CACNA2D3: variants seen among roughly 807,000 people sequenced by gnomAD.
The protein encoded by CACNA2D3 is calcium voltage-gated channel auxiliary subunit alpha2delta 3, also known as voltage-dependent calcium channel subunit alpha-2/delta-3.
In CACNA2D3, 60 loss-of-function variants were observed where a neutral mutation model predicts 160.6. The observed-to-expected ratio is 0.37, with a 90% confidence interval of 0.30 to 0.46. The LOEUF (loss-of-function observed/expected upper bound fraction) is 0.46. Among genes scored for constraint, CACNA2D3 ranks in the 20% least tolerant of loss-of-function variants. The pLI, the probability that CACNA2D3 is intolerant of heterozygous loss-of-function variation, is 1.00. For missense variants in CACNA2D3, 1,205 were observed against 1,365.0 expected (o/e 0.88, Z 1.85); for synonymous variants, 558 against 492.9 (o/e 1.13, Z -1.75).
intron 4 of CACNA2D3, among the ~76,000 whole-genome samples, chr3:54,444,404 A>G (rs2106801663): frequency 6.6e-6 from 1 of 152,236 alleles, no homozygotes; most frequent in South Asian, 2.1e-4. Flanking sequence ...GTGTTTTCAA[A>G]ACATTCCCTG....
intron 35 of CACNA2D3, among the ~76,000 whole-genome samples, chr3:55,022,920 C>T (rs358043): frequency 0.45 from 68,677 of 151,644 alleles, 17,689 homozygotes; most frequent in African/African-American, 0.72. Context: ...CATGAAATAA[C>T]TATTACTATT....
intron 4 of CACNA2D3, among the ~76,000 whole-genome samples, chr3:54,434,232 T>A (rs1700029543): frequency 6.6e-6 from 1 of 152,238 alleles, no homozygotes; most frequent in South Asian, 2.1e-4. Flanking sequence ...GTCAGCTTTC[T>A]GTTTTCTTCC....
intron 2 of CACNA2D3, among the ~76,000 whole-genome samples, chr3:54,303,269 G>T (rs1389095209): frequency 6.6e-6 from 1 of 152,102 alleles, no homozygotes; most frequent in African/African-American, 2.4e-5. Flanking sequence ...TAGGTATTTA[G>T]GAATTATTTA....
intron 8 of CACNA2D3, among the ~76,000 whole-genome samples, chr3:54,570,334 C>A (rs1180477411): frequency 6.6e-6 from 1 of 152,118 alleles, no homozygotes; most frequent in Non-Finnish European, 1.5e-5. Flanking sequence ...CACAGCCACA[C>A]CGCCACACCA....
intron 3 of CACNA2D3, among the ~76,000 whole-genome samples, chr3:54,336,014 A>AAG (rs1704369010): frequency 1.3e-5 from 2 of 151,144 alleles, no homozygotes; most frequent in Non-Finnish European, 3.0e-5. Flanking sequence ...CAAAAAAAAA[A>AAG]AAAAAAAAAA....
At chr3:54,602,100 A>G (rs1703070306) in intron 9 of CACNA2D3, among the ~76,000 whole-genome samples, 1 of 152,190 alleles carries the variant, frequency 6.6e-6, no homozygotes, top group Admixed American at 6.5e-5. Context: ...CTGTGTCTGC[A>G]GCAAGCCATA....
intron 10 of CACNA2D3, among the ~76,000 whole-genome samples, chr3:54,628,440 A>G (rs1201778774): frequency 6.6e-6 from 1 of 152,190 alleles, no homozygotes; most frequent in Non-Finnish European, 1.5e-5. Context: ...GAGTAGCGTC[A>G]TAGAGACACT....
intron 13 of CACNA2D3, among the ~76,000 whole-genome samples, chr3:54,770,255 T>G (rs1361219137): frequency 6.6e-6 from 1 of 152,242 alleles, no homozygotes; most frequent in Admixed American, 6.5e-5. Context: ...AATATAGTAA[T>G]TCTCAATGGC....
intron 11 of CACNA2D3, among the ~76,000 whole-genome samples, chr3:54,751,813 T>G (rs1701862668): frequency 6.6e-6 from 1 of 151,950 alleles, no homozygotes; most frequent in East Asian, 1.9e-4. Flanking sequence ...TCCGAAGGGT[T>G]TTGTTTGGAC....
At position 54,879,288 on chromosome 3, in the gene CACNA2D3, G is replaced by A. The variant is rs922014208; in HGVS notation, c.1783-62G>A. 281 of 1,260,018 alleles carry A rather than the reference G, an allele frequency of 2.2e-4. 1 individual carries two copies. Among genetic ancestry groups the A allele is most frequent in the Admixed American group, 2.8e-4 (14 of 50,730 alleles). The allele number at this position is 1,260,018 out of a possible 1,614,324, so 78.1% of individuals were successfully genotyped here. ...TTTATTTTTATTTATTTCTGAAGAC[G>A]TCACTTAGCAGACTAACCATGTTTT... On this transcript the variant is annotated intron_variant, in intron 19 of 37. Coordinates refer to ENST00000474759, the MANE Select transcript of CACNA2D3 (RefSeq NM_018398.3).
At chr3:54,521,391 G>A (rs1220310427) in intron 5 of CACNA2D3, among the ~76,000 whole-genome samples, 2 of 152,046 alleles carry the variant, frequency 1.3e-5, no homozygotes, top group Non-Finnish European at 2.9e-5. Flanking sequence ...CTTTAATCGG[G>A]TAGTCTTTTT....
intron 17 of CACNA2D3, among the ~76,000 whole-genome samples, chr3:54,870,459 AT>A (rs769404338): frequency 3.4e-4 from 52 of 152,298 alleles, no homozygotes; most frequent in Non-Finnish European, 5.7e-4. Flanking sequence ...TATTTTTCCA[AT>A]GTGCCATTAA....
chr3:54,305,941 C>T (rs752514044), intron 2 of CACNA2D3, among the ~76,000 whole-genome samples: 2 of 152,178 alleles, frequency 1.3e-5, no homozygotes, highest in Non-Finnish European at 2.9e-5. Context: ...TCATCCTGGA[C>T]ACTGACGATA....
At position 54,522,118 on chromosome 3, in the gene CACNA2D3, CT is replaced by C. The variant is rs1279574481; in HGVS notation, c.544+18472del. On this transcript the variant is annotated intron_variant, in intron 5 of 37. Coordinates refer to ENST00000474759, the MANE Select transcript of CACNA2D3 (RefSeq NM_018398.3). ...GACAGAGATTGAACTGGATCTGTAG[CT>C]TTTTTTTGGAGAGTTTTGCCATTTT... Among the ~76,000 whole-genome samples the C allele has an allele frequency of 4.0e-5, 6 of 151,712 alleles. No homozygotes were observed. In the East Asian group the frequency reaches 9.7e-4, roughly 25 times the overall value.
Position 54,833,735 on chromosome 3 carries a change from A to G in CACNA2D3, c.1399-3424A>G, listed in dbSNP as rs113618455. 5.2e-3 allele frequency among the ~76,000 whole-genome samples: 792 copies of G among 152,220 alleles called. 10 individuals carry two copies. The highest frequency in any genetic ancestry group is 0.018 in the African/African-American group (745 of 41,540). ...AACGTTTAAGATTCACAGAGTCCAGACCTGTGGGGACTGGGAATGATGGAG... is the reference window on the plus strand; with the variant it reads ...AACGTTTAAGATTCACAGAGTCCAGGCCTGTGGGGACTGGGAATGATGGAG... On this transcript the variant is annotated intron_variant, in intron 14 of 37. Coordinates refer to ENST00000474759, the MANE Select transcript of CACNA2D3 (RefSeq NM_018398.3).
At chr3:55,041,273 G>A (rs1364422729) in intron 35 of CACNA2D3, among the ~76,000 whole-genome samples, 2 of 152,114 alleles carry the variant, frequency 1.3e-5, no homozygotes, top group Non-Finnish European at 2.9e-5. Flanking sequence ...TTTTGGGATC[G>A]ATTCATAGAC....
chr3:54,608,180 G>A (rs1017325925), intron 9 of CACNA2D3, among the ~76,000 whole-genome samples: 6 of 152,188 alleles, frequency 3.9e-5, no homozygotes, highest in African/African-American at 1.4e-4. Context: ...TCCAAATGAA[G>A]TCTGTAGTTA....
chr3:54,618,796 G>A (rs1021151375), intron 9 of CACNA2D3, among the ~76,000 whole-genome samples: 8 of 152,274 alleles, frequency 5.3e-5, no homozygotes, highest in South Asian at 2.1e-4. Flanking sequence ...AGACGAGTGC[G>A]CTGGCACCCA....
intron 5 of CACNA2D3, among the ~76,000 whole-genome samples, chr3:54,557,526 G>A (rs1270392833): frequency 6.6e-6 from 1 of 152,140 alleles, no homozygotes; most frequent in Non-Finnish European, 1.5e-5. Context: ...ACTGTAAACT[G>A]TTTGACTCCT....
Sources: gnomAD v4.1 joint callset for allele counts (sites outside exome capture counted in the v4.1 genomes callset) on GRCh38, gnomAD v4.1.1 for gene constraint, MANE v1.5 for transcripts, NCBI Gene and HGNC (gene_info 2026-07-23, HGNC 2026-07-21) for gene names.